TCTN1: variants seen among roughly 807,000 people sequenced by gnomAD.
TCTN1 encodes the protein tectonic family member 1.
Under a neutral mutation model 65.8 loss-of-function variants are expected in TCTN1, and 58 were observed. The observed-to-expected ratio is 0.88, with a 90% CI of 0.71 to 1.10. The LOEUF (loss-of-function observed/expected upper bound fraction) is 1.10, where lower values mean the gene tolerates loss of function less well. TCTN1 is among the 50% of genes least tolerant of loss of function. TCTN1 has a pLI of 0.00. For synonymous variants in TCTN1, 273 were observed against 289.1 expected (o/e 0.94, Z 0.57); for missense variants, 645 against 719.4 (o/e 0.90, Z 1.18).
intron 10 of TCTN1, 162 bp from the exon 11 acceptor site, chr12:110,642,087 G>T: frequency 1.2e-6 from 1 of 836,988 alleles, no homozygotes; most frequent in South Asian, 1.5e-5. Flanking sequence ...AAGGAAAATA[G>T]AACTGTTTTT....
Position 110,640,433 on chromosome 12 carries a change from C to A in TCTN1, c.894C>A (p.Leu298=). 1.2e-6 allele frequency: 2 copies of A among 1,614,134 alleles called. No homozygotes were observed. The highest frequency in any genetic ancestry group is 1.7e-6 in the Non-Finnish European group (2 of 1,180,034). ...SIVIQSLNKT[L]TRREDTDVLQ... ...TCATTCAGTCTCTAAATAAAACGCT[C>A]ACCCGACGGGAGGACACTGATGTGC... Residue 298 remains leucine, a synonymous_variant, in exon 8 of 15, where the codon CTC becomes CTA. Transcript: ENST00000397659. The surrounding 1 kb of genome is among the most constrained non-coding windows in gnomAD (Gnocchi z 4.9).
chr12:110,626,093 CT>C (rs1039866216), intron 2 of TCTN1, among the ~76,000 whole-genome samples: 139 of 139,518 alleles, frequency 1.0e-3, no homozygotes, highest in Admixed American at 1.4e-3. Context: ...TTCTTTCTTT[CT>C]TTTTTTTTTT....
chr12:110,647,627 C>CT, intron 13 of TCTN1, 122 bp from the exon 14 acceptor site: 6 of 1,465,606 alleles, frequency 4.1e-6, no homozygotes, highest in Non-Finnish European at 5.7e-6. Flanking sequence ...ATTAGTGCTC[C>CT]AGGACCTATC....
chr12:110,648,898 G>T, intron 14 of TCTN1, 145 bp from the exon 15 acceptor site: 1 of 399,780 alleles, frequency 2.5e-6, no homozygotes, highest in Non-Finnish European at 4.8e-6. Flanking sequence ...CCTAGAAGCT[G>T]GCTGATGCAG....
At position 110,640,702 on chromosome 12, in the gene TCTN1, G is replaced by C. The variant is rs1479840151; in HGVS notation, c.978+185G>C. Among the ~76,000 whole-genome samples, 1 of 152,188 alleles carries C rather than the reference G, an allele frequency of 6.6e-6. No individual in the cohort carries two copies. Among genetic ancestry groups the C allele is most frequent in the Non-Finnish European group, 1.5e-5 (1 of 68,042 alleles). On this transcript the variant is annotated intron_variant, in intron 8 of 14. Coordinates refer to ENST00000397659, the MANE Select transcript of TCTN1 (RefSeq NM_001082538.3). The surrounding 1 kb of genome is among the most constrained non-coding windows in gnomAD (Gnocchi z 4.9). The stretch of plus-strand genomic sequence containing the variant: ...GACACCTCTTGTCTCCACAAACTTA[G>C]TGACTTGCCGGAATACATCAAAATA...
At chr12:110,627,285 C>G (rs1402234152) in intron 3 of TCTN1, among the ~76,000 whole-genome samples, 2 of 151,832 alleles carry the variant, frequency 1.3e-5, no homozygotes, top group Non-Finnish European at 2.9e-5. Flanking sequence ...TTAGTAGAGA[C>G]AGGGTTTCAC....
chr12:110,624,582 T>TC (rs1195199003), intron 2 of TCTN1, among the ~76,000 whole-genome samples: 2 of 149,036 alleles, frequency 1.3e-5, no homozygotes, highest in East Asian at 4.0e-4. Flanking sequence ...ACTCATAACT[T>TC]CTTTTTTTTT....
At chr12:110,623,156 AG>A (rs2065566712) in intron 2 of TCTN1, among the ~76,000 whole-genome samples, 1 of 152,164 alleles carries the variant, frequency 6.6e-6, no homozygotes, top group Non-Finnish European at 1.5e-5. Context: ...CATTATCTAT[AG>A]GCTTCTTAGC....
chr12:110,643,420 C>T (rs1289117234), intron 11 of TCTN1: 1 of 152,202 alleles, frequency 6.6e-6, no homozygotes, highest in Non-Finnish European at 1.5e-5. Context: ...TTCTTACCCT[C>T]ATTTGCCCCA....
rs752303235 is a variant in TCTN1 at position 110,647,838 on chromosome 12, T to G, written c.1725T>G (p.Ala575=). The change falls in exon 14 of 15, where the codon GCT becomes GCG. Residue 575 remains alanine (A), a synonymous_variant. Coordinates refer to ENST00000397659, the MANE Select transcript of TCTN1 (RefSeq NM_001082538.3). The part of the protein sequence containing the change: ...VSAPAEAGFR[A]PPAINARLPF... ...CACCTGCAGAGGCAGGCTTCAGAGCTCCACCAGCCATCAATGCCAGGCTGC... is the reference window on the plus strand; with the variant it reads ...CACCTGCAGAGGCAGGCTTCAGAGCGCCACCAGCCATCAATGCCAGGCTGC... 6.2e-7 allele frequency: 1 copy of G among 1,614,068 alleles called. No homozygotes were observed. Among genetic ancestry groups the G allele is most frequent in the East Asian group, 2.2e-5 (1 of 44,902 alleles).
chr12:110,646,791 A>G (rs1297934572), intron 12 of TCTN1: 1 of 238,108 alleles, frequency 4.2e-6, no homozygotes, highest in Non-Finnish European at 8.3e-6. Context: ...ATGACATGCA[A>G]TCAGGTTTTG....
chr12:110,627,922 G>A, intron 3 of TCTN1: 1 of 966,824 alleles, frequency 1.0e-6, no homozygotes, highest in Middle Eastern at 3.3e-4. Flanking sequence ...TCTTGTGATT[G>A]AAAACAGGCA....
chr12:110,647,468 C>A, intron 13 of TCTN1, 132 bp downstream of exon 13: 1 of 1,276,498 alleles, frequency 7.8e-7, no homozygotes, highest in Non-Finnish European at 1.1e-6. Context: ...AATATTTCAG[C>A]AGTCATTCTT....
At position 110,614,412 on chromosome 12, in the gene TCTN1, A is replaced by G. The variant is rs1006963267; in HGVS notation, c.220+10A>G. ...ACCCCAGTCACGGACGGTGGGTACC[A>G]TGTGCCAGCTCCTGGAGTCCACAGT... On this transcript the variant is annotated intron_variant, in intron 1 of 14. Coordinates refer to ENST00000397659, the MANE Select transcript of TCTN1 (RefSeq NM_001082538.3). 10 of 1,587,440 alleles carry G rather than the reference A, an allele frequency of 6.3e-6. No individual in the cohort carries two copies. Among genetic ancestry groups the G allele is most frequent in the Non-Finnish European group, 8.6e-6 (10 of 1,166,882 alleles).
At chr12:110,636,445 A>G (rs1383518235) in intron 6 of TCTN1, 36 bp from the exon 7 acceptor site, 5 of 1,334,794 alleles carry the variant, frequency 3.7e-6, no homozygotes, top group Non-Finnish European at 5.3e-6. Flanking sequence ...TTTTTGTTGT[A>G]CTTAACACAA....
At chr12:110,636,919 G>A (rs1019648754) in intron 7 of TCTN1, among the ~76,000 whole-genome samples, 10 of 152,358 alleles carry the variant, frequency 6.6e-5, no homozygotes, top group Non-Finnish European at 1.5e-4. Context: ...GGCGTGCCCC[G>A]TGGTATACCT....
At position 110,614,133 on chromosome 12, in the gene TCTN1, C is replaced by T; in HGVS notation, c.-50C>T. 6.5e-7 allele frequency: 1 copy of T among 1,538,870 alleles called. No individual in the cohort carries two copies. On this transcript the variant is annotated 5_prime_UTR_variant, in exon 1 of 15. Transcript: ENST00000397659. The stretch of plus-strand genomic sequence containing the variant: ...GCCCCGCGCCTGGCTGTCGCGGTTG[C>T]CGGGCAACGCGCTGTCCATGTCGCG...
intron 9 of TCTN1, 103 bp downstream of exon 9, chr12:110,641,252 T>TCTGTTCACTACAAAGGC: frequency 6.7e-7 from 1 of 1,495,722 alleles, no homozygotes; most frequent in Non-Finnish European, 9.2e-7. Flanking sequence ...CATCCAAGCC[T>TCTGTTCACTACAAAGGC]TTGTAGTGAA....
chr12:110,614,613 A>G (rs938460295), intron 1 of TCTN1: 1 of 1,058,244 alleles, frequency 9.4e-7, no homozygotes, highest in Non-Finnish European at 1.4e-6. Flanking sequence ...ACCGGGTCTC[A>G]GAGTTTAAGT....
Sources: allele counts gnomAD v4.1 joint callset (sites outside exome capture counted in the v4.1 genomes callset), GRCh38; gene constraint gnomAD v4.1.1; non-coding constraint Gnocchi (gnomAD v3.1); transcripts MANE v1.5; gene names NCBI Gene and HGNC (gene_info 2026-07-23, HGNC 2026-07-21).